Variants in RIMS1 observed in about 807,000 individuals in gnomAD.
The protein encoded by RIMS1 is regulating synaptic membrane exocytosis 1.
A neutral mutation model predicts 214.1 loss-of-function variants in RIMS1; 83 were observed. The ratio of observed to expected loss-of-function variants is 0.39; its 90% CI spans 0.32 to 0.47. The LOEUF (loss-of-function observed/expected upper bound fraction) is 0.47. RIMS1 is among the 20% of genes least tolerant of loss of function. RIMS1 has a pLI of 0.99. For missense variants in RIMS1, 2,050 were observed against 2,161.8 expected (o/e 0.95, Z 1.03); for synonymous variants, 793 against 786.8 (o/e 1.01, Z -0.13).
At position 72,023,943 on chromosome 6, in the gene RIMS1, A is replaced by G. The variant is rs555711079; in HGVS notation, c.245+54880A>G. 1.9e-3 allele frequency among the ~76,000 whole-genome samples: 287 copies of G among 152,268 alleles called. 1 individual carries two copies. The highest frequency in any genetic ancestry group is 6.5e-3 in the African/African-American group (271 of 41,570). ...TACTGAAAATTTTTTGTAAGCTAAC[A>G]TGGAAAGGTTGACTCCTTCAAAGAC... is the stretch of plus-strand genomic sequence containing the variant. On this transcript the variant is annotated intron_variant, in intron 2 of 33. Coordinates refer to ENST00000521978, the MANE Select transcript of RIMS1 (RefSeq NM_014989.7).
chr6:72,318,484 C>G (rs1202107277), intron 28 of RIMS1, among the ~76,000 whole-genome samples: 2 of 152,088 alleles, frequency 1.3e-5, no homozygotes, highest in Non-Finnish European at 2.9e-5. Flanking sequence ...GTGCTACTAT[C>G]CCTCCCCCAT....
At chr6:72,362,783 C>T (rs145212598) in intron 29 of RIMS1, among the ~76,000 whole-genome samples, 1 of 152,078 alleles carries the variant, frequency 6.6e-6, no homozygotes, top group Non-Finnish European at 1.5e-5. Flanking sequence ...GTCATTTTCC[C>T]TATAGTTCAG....
intron 1 of RIMS1, among the ~76,000 whole-genome samples, chr6:71,935,213 T>C (rs925319756): frequency 6.6e-6 from 1 of 152,202 alleles, no homozygotes; most frequent in African/African-American, 2.4e-5. Context: ...AGGTGTTATA[T>C]TGAAAACTCT....
At chr6:71,960,937 C>T (rs746166964) in intron 1 of RIMS1, among the ~76,000 whole-genome samples, 7 of 151,860 alleles carry the variant, frequency 4.6e-5, no homozygotes, top group Admixed American at 3.3e-4. Flanking sequence ...AAAGAGGAAA[C>T]TGCCAATTTC....
In RIMS1 at chr6:72,398,999, G is replaced by T; in HGVS notation, c.4765G>T (p.Ala1589Ser). 6.2e-7 allele frequency: 1 copy of T among 1,609,820 alleles called. No individual in the cohort carries two copies. The highest frequency in any genetic ancestry group is 8.5e-7 in the Non-Finnish European group (1 of 1,176,822). The change falls in exon 33 of 34, where the codon GCC becomes TCC. Residue 1589 changes from alanine (A) to serine (S), a missense_variant. By Grantham distance (99) the Ala-to-Ser change is moderately conservative. This residue lies in a region of RIMS1 where 121 missense variants were observed against 187.3 expected (regional missense o/e 0.65). Transcript: ENST00000521978. ...VYLLENGACI[A>S]KKKTRIARKT... ...TCTTTTGGAAAATGGGGCCTGTATAGCCAAGAAGAAGACAAGAATTGCACG... is the reference window on the plus strand; with the variant it reads ...TCTTTTGGAAAATGGGGCCTGTATATCCAAGAAGAAGACAAGAATTGCACG...
At chr6:72,266,105 G>T (rs1391003822) in intron 22 of RIMS1, 56 bp downstream of exon 22, 5 of 1,281,254 alleles carry the variant, frequency 3.9e-6, no homozygotes, top group African/African-American at 3.0e-5. Context: ...ATTTTTTTCA[G>T]TCACTTTGTT....
chr6:72,213,641 A>C (rs866482942), intron 6 of RIMS1, among the ~76,000 whole-genome samples: 1 of 152,194 alleles, frequency 6.6e-6, no homozygotes, highest in African/African-American at 2.4e-5. Context: ...ATACATGACA[A>C]ATTGCAGTAA....
intron 4 of RIMS1, among the ~76,000 whole-genome samples, chr6:72,160,735 A>G (rs2045263122): frequency 7.1e-6 from 1 of 140,744 alleles, no homozygotes; most frequent in South Asian, 2.3e-4. Flanking sequence ...GATGAAGCCC[A>G]CTTGATCATG....
chr6:72,002,881 TAAAG>T (rs1401304191), intron 2 of RIMS1, among the ~76,000 whole-genome samples: 1 of 152,194 alleles, frequency 6.6e-6, no homozygotes, highest in Non-Finnish European at 1.5e-5. Context: ...CATAAAGGAA[TAAAG>T]ACTCAGTGGA....
chr6:72,260,154 C>T (rs942555515), intron 18 of RIMS1, among the ~76,000 whole-genome samples: 1 of 151,930 alleles, frequency 6.6e-6, no homozygotes, highest in African/African-American at 2.4e-5. Flanking sequence ...GCTACTTGAC[C>T]AGGGCAGTCA....
rs139883648 is a variant in RIMS1, at chr6:71,919,166, A to G, written c.164+31979A>G. On this transcript the variant is annotated intron_variant, in intron 1 of 33. Transcript: ENST00000521978. ...AAATAGCACAGGCAAAGGGCACTTT[A>G]TATTTGTTTTATAACTTATAAGTGC... 3.8e-3 allele frequency among the ~76,000 whole-genome samples: 576 copies of G among 152,264 alleles called. 5 individuals carry two copies. Among genetic ancestry groups the G allele is most frequent in the African/African-American group, 0.013 (552 of 41,564 alleles).
intron 24 of RIMS1, among the ~76,000 whole-genome samples, chr6:72,285,864 C>A (rs1417933547): frequency 2.0e-5 from 3 of 152,080 alleles, no homozygotes; most frequent in Non-Finnish European, 4.4e-5. Context: ...AAGTTGTATT[C>A]TTTTAATTCT....
chr6:72,314,064 G>T (rs1563937774), intron 28 of RIMS1, among the ~76,000 whole-genome samples: 2 of 152,062 alleles, frequency 1.3e-5, no homozygotes, highest in African/African-American at 4.8e-5. Context: ...ATCAACATGG[G>T]TGTGTGTGTG....
chr6:72,397,860 A>G (rs1449506247), intron 31 of RIMS1, among the ~76,000 whole-genome samples: 1 of 152,294 alleles, frequency 6.6e-6, no homozygotes, highest in Non-Finnish European at 1.5e-5. Flanking sequence ...GAATGCTAGG[A>G]TATTCACCAA....
In RIMS1 at chr6:72,204,671, G is replaced by A. The variant is rs536420612; in HGVS notation, c.1678+21522G>A. The stretch of plus-strand genomic sequence containing the variant: ...AGGGAAATTAATTATAAGCATAAAC[G>A]GAGAAATCATCTTTCTACATTTATA... On this transcript the variant is annotated intron_variant, in intron 6 of 33. Transcript: ENST00000521978. Among the ~76,000 whole-genome samples the A allele has an allele frequency of 6.6e-5, 10 of 152,236 alleles. No homozygotes were observed. In the South Asian group the frequency reaches 1.5e-3, roughly 22 times the overall value.
At chr6:72,014,224 C>T (rs976580258) in intron 2 of RIMS1, among the ~76,000 whole-genome samples, 1 of 152,186 alleles carries the variant, frequency 6.6e-6, no homozygotes, top group African/African-American at 2.4e-5. Flanking sequence ...CTTATAAAAC[C>T]ATTAGATCTT....
At chr6:72,106,267 A>G (rs2034719367) in intron 4 of RIMS1, among the ~76,000 whole-genome samples, 1 of 152,208 alleles carries the variant, frequency 6.6e-6, no homozygotes, top group Non-Finnish European at 1.5e-5. Flanking sequence ...TCTTTGTTAT[A>G]AAAGACTTAA....
chr6:72,095,116 ATTTTTTTT>A (rs71540328), intron 2 of RIMS1, among the ~76,000 whole-genome samples: 30 of 98,952 alleles, frequency 3.0e-4, no homozygotes, highest in Admixed American at 1.8e-3. Context: ...ACGCCCGACT[ATTTTTTTT>A]TTTTTTTTTT....
intron 29 of RIMS1, among the ~76,000 whole-genome samples, chr6:72,353,856 T>TTTCCTG (rs2097543436): frequency 6.6e-6 from 1 of 152,204 alleles, no homozygotes; most frequent in Non-Finnish European, 1.5e-5. Flanking sequence ...TGCTAACATT[T>TTTCCTG]TTCCTGTATA....
Sources: allele counts gnomAD v4.1 joint callset (sites outside exome capture counted in the v4.1 genomes callset), GRCh38; gene constraint gnomAD v4.1.1; regional missense constraint gnomAD v4.1.1; transcripts MANE v1.5; gene names NCBI Gene and HGNC (gene_info 2026-07-23, HGNC 2026-07-21).